Variants in ABHD3 observed in about 807,000 individuals in gnomAD.
The protein encoded by ABHD3 is abhydrolase domain containing 3, phospholipase.
In ABHD3, 46 loss-of-function variants were observed where a neutral mutation model predicts 48.8. That is an observed-to-expected ratio of 0.94 (90% CI 0.74 to 1.20). ABHD3 has a LOEUF of 1.20. Ranked by LOEUF, ABHD3 falls within the 50% of genes most tolerant of loss-of-function variation. ABHD3 has a pLI of 0.00. For synonymous variants in ABHD3, 192 were observed against 183.7 expected, an observed-to-expected ratio of 1.04 and a Z score of -0.36; for missense variants, 490 against 497.8, an observed-to-expected ratio of 0.98 and a Z score of 0.15.
chr18:21,702,597 AAC>A (rs2040537827), intron 2 of ABHD3, 99 bp from the exon 3 acceptor site: 1 of 1,125,978 alleles, frequency 8.9e-7, no homozygotes, highest in Non-Finnish European at 1.2e-6. Context: ...ATCAAAAAAT[AAC>A]ATTTTTCCAG....
At chr18:21,653,797 G>A (rs1466160718) in intron 8 of ABHD3, among the ~76,000 whole-genome samples, 1 of 149,508 alleles carries the variant, frequency 6.7e-6, no homozygotes, top group African/African-American at 2.4e-5. Context: ...AGCTGAGGCT[G>A]AGGTGGGAGG....
chr18:21,675,413 C>T lies in ABHD3; in HGVS notation c.555+8507G>A, dbSNP rs539774224. Among the ~76,000 whole-genome samples, 440 of 151,954 alleles carry T rather than the reference C, an allele frequency of 2.9e-3. 4 individuals carry two copies. Among genetic ancestry groups the T allele is most frequent in the Non-Finnish European group, 2.5e-3 (168 of 67,946 alleles). ...CCCCCCGAGCAGCTGGGACTACAGG[C>T]GCCTGTTGCCACGCCCAGCTAATTT... On this transcript the variant is annotated intron_variant, in intron 4 of 8. Transcript: ENST00000289119.
In ABHD3 at chr18:21,664,118, C is replaced by T. The variant is rs754555865; in HGVS notation, c.668G>A (p.Gly223Glu). ...PFLAAGVSMG[G>E]MLLLNYLGKI... ...TTATTTTAGAAAGGGAAAACCTTACCCTCCCATTGAAACCCCTGCTGCCAG... is the reference window on the plus strand; with the variant it reads ...TTATTTTAGAAAGGGAAAACCTTACTCTCCCATTGAAACCCCTGCTGCCAG... The change falls in exon 5 of 9, where the codon GGA (glycine) becomes GAA (glutamate). Residue 223 changes from glycine (G) to glutamate (E), a missense_variant and splice_region_variant. Physicochemically the swap from Gly to Glu is moderately conservative, Grantham distance 98. Coordinates refer to ENST00000289119, the MANE Select transcript of ABHD3 (RefSeq NM_138340.5). 6.2e-7 allele frequency: 1 copy of T among 1,605,924 alleles called. No homozygotes were observed. The highest frequency in any genetic ancestry group is 8.5e-7 in the Non-Finnish European group (1 of 1,178,366).
In ABHD3 at chr18:21,693,407, T is replaced by A. The variant is rs530278592; in HGVS notation, c.509+8909A>T. On this transcript the variant is annotated intron_variant, in intron 3 of 8. Coordinates refer to ENST00000289119, the MANE Select transcript of ABHD3 (RefSeq NM_138340.5). Reference sequence around the variant, plus strand: ...GAGTTAGGATCTGAACCCAGGCAGATCCGACTCAAGAATCCACTTAACCAC... The same window carrying A: ...GAGTTAGGATCTGAACCCAGGCAGAACCGACTCAAGAATCCACTTAACCAC... 5.9e-5 allele frequency among the ~76,000 whole-genome samples: 9 copies of A among 152,242 alleles called. No individual in the cohort carries two copies. In the East Asian group the frequency reaches 9.7e-4, roughly 16 times the overall value.
chr18:21,666,582 G>A (rs1440574680), intron 4 of ABHD3, among the ~76,000 whole-genome samples: 1 of 152,176 alleles, frequency 6.6e-6, no homozygotes, highest in African/African-American at 2.4e-5. Flanking sequence ...TACCCGCCCT[G>A]GTTTCCCACA....
chr18:21,693,461 C>G (rs1251340699), intron 3 of ABHD3, among the ~76,000 whole-genome samples: 1 of 152,206 alleles, frequency 6.6e-6, no homozygotes, highest in South Asian at 2.1e-4. Context: ...ACTACCTAAG[C>G]TGTAACACTC....
chr18:21,658,716 A>G (rs1181905240), intron 6 of ABHD3, among the ~76,000 whole-genome samples: 1 of 152,188 alleles, frequency 6.6e-6, no homozygotes, highest in African/African-American at 2.4e-5. Context: ...TGCATTTACA[A>G]CAAAGATAAT....
intron 3 of ABHD3, among the ~76,000 whole-genome samples, chr18:21,684,309 TG>T (rs1218554261): frequency 7.0e-5 from 10 of 143,338 alleles, no homozygotes; most frequent in African/African-American, 2.7e-4. Flanking sequence ...TAAATGTTTT[TG>T]CTTTTTTTTT....
At chr18:21,702,110 A>C (rs890060426) in intron 3 of ABHD3, 1 of 489,772 alleles carries the variant, frequency 2.0e-6, no homozygotes, top group African/African-American at 2.0e-5. Context: ...AGTGTCTACT[A>C]TGCTAAGTGA....
intron 3 of ABHD3, among the ~76,000 whole-genome samples, chr18:21,698,911 T>C (rs545054384): frequency 4.3e-4 from 65 of 151,416 alleles, no homozygotes; most frequent in African/African-American, 1.5e-3. Context: ...ACCCACTTTG[T>C]GCAGGGCACC....
At chr18:21,668,200 CAAAAA>C (rs747590942) in intron 4 of ABHD3, among the ~76,000 whole-genome samples, 3 of 61,354 alleles carry the variant, frequency 4.9e-5, no homozygotes, top group South Asian at 6.8e-4. Flanking sequence ...GAATCTATCT[CAAAAA>C]AAAAAAAAAA....
Sources: allele counts gnomAD v4.1 joint callset (sites outside exome capture counted in the v4.1 genomes callset), GRCh38; gene constraint gnomAD v4.1.1; transcripts MANE v1.5; gene names NCBI Gene and HGNC (gene_info 2026-07-23, HGNC 2026-07-21).